Variants in IMMP2L observed in about 807,000 individuals in gnomAD.
IMMP2L encodes mitochondrial inner membrane protease subunit 2.
IMMP2L carries 18 observed loss-of-function variants against 19.3 expected under a neutral mutation model. The ratio of observed to expected loss-of-function variants is 0.93; its 90% confidence interval spans 0.64 to 1.38. The LOEUF is 1.38. Ranked by LOEUF, IMMP2L falls within the 40% of genes most tolerant of loss-of-function variation. The pLI is 0.00. For missense variants in IMMP2L, 233 were observed against 218.2 expected (o/e 1.07, Z -0.43); for synonymous variants, 76 against 73.0 (o/e 1.04, Z -0.21).
chr7:111,318,542 A>T (rs1188361876), intron 3 of IMMP2L, among the ~76,000 whole-genome samples: 1 of 152,138 alleles, frequency 6.6e-6, no homozygotes, highest in Non-Finnish European at 1.5e-5. Flanking sequence ...TCTGAACATG[A>T]CTAAACCCTA....
chr7:111,416,867 G>C (rs901327280), intron 3 of IMMP2L, among the ~76,000 whole-genome samples: 3 of 151,226 alleles, frequency 2.0e-5, no homozygotes, highest in Non-Finnish European at 2.9e-5. Context: ...GCAGAATATG[G>C]TATGATACAT....
intron 3 of IMMP2L, among the ~76,000 whole-genome samples, chr7:111,164,026 A>G (rs1380289335): frequency 6.7e-6 from 1 of 149,686 alleles, no homozygotes; most frequent in Admixed American, 6.7e-5. Context: ...CATAACATTT[A>G]GAGGATTAAA....
chr7:110,787,585 C>A (rs975626608), intron 5 of IMMP2L, among the ~76,000 whole-genome samples: 9 of 151,820 alleles, frequency 5.9e-5, no homozygotes, highest in Non-Finnish European at 1.2e-4. Flanking sequence ...CAAAGTGACA[C>A]CCTAATTAAA....
At chr7:110,823,076 G>A (rs1452816921) in intron 5 of IMMP2L, among the ~76,000 whole-genome samples, 1 of 151,990 alleles carries the variant, frequency 6.6e-6, no homozygotes, top group South Asian at 2.1e-4. Flanking sequence ...CATGACTGAT[G>A]GAGAAATAAG....
At chr7:111,095,822 T>C (rs1797340924) in intron 3 of IMMP2L, among the ~76,000 whole-genome samples, 1 of 151,968 alleles carries the variant, frequency 6.6e-6, no homozygotes, top group South Asian at 2.1e-4. Flanking sequence ...ACTCTCAGGA[T>C]CCATGCTTTG....
At chr7:110,979,367 T>C (rs1821016252) in intron 3 of IMMP2L, among the ~76,000 whole-genome samples, 1 of 152,150 alleles carries the variant, frequency 6.6e-6, no homozygotes, top group Non-Finnish European at 1.5e-5. Flanking sequence ...TATTTATCTT[T>C]TCTCATTGTT....
chr7:111,111,720 G>A (rs1799227010), intron 3 of IMMP2L, among the ~76,000 whole-genome samples: 1 of 151,778 alleles, frequency 6.6e-6, no homozygotes, highest in Admixed American at 6.6e-5. Flanking sequence ...ACCAAATTTT[G>A]CAAAGTCATC....
At chr7:110,691,323 A>G (rs1170957565) in intron 5 of IMMP2L, among the ~76,000 whole-genome samples, 1 of 152,180 alleles carries the variant, frequency 6.6e-6, no homozygotes, top group Admixed American at 6.6e-5. Flanking sequence ...TAAACTCAAG[A>G]TGGACTAAAG....
chr7:111,528,716 T>A (rs1847119528), intron 1 of IMMP2L, among the ~76,000 whole-genome samples: 1 of 152,178 alleles, frequency 6.6e-6, no homozygotes, highest in African/African-American at 2.4e-5. Context: ...GGTGGATAAA[T>A]CCACCACAAG....
chr7:111,009,957 A>G (rs2129563187), intron 3 of IMMP2L, among the ~76,000 whole-genome samples: 1 of 152,280 alleles, frequency 6.6e-6, no homozygotes, highest in African/African-American at 2.4e-5. Context: ...TACACAGGAA[A>G]TTAAGAAACA....
At chr7:111,366,878 C>A (rs1164799379) in intron 3 of IMMP2L, among the ~76,000 whole-genome samples, 1 of 151,856 alleles carries the variant, frequency 6.6e-6, no homozygotes, top group Non-Finnish European at 1.5e-5. Context: ...GGAGAGAGAT[C>A]ACATGATAAA....
chr7:111,289,879 C>G (rs1337940973), intron 3 of IMMP2L, among the ~76,000 whole-genome samples: 1 of 151,866 alleles, frequency 6.6e-6, no homozygotes, highest in African/African-American at 2.4e-5. Flanking sequence ...GATGTTGACA[C>G]AGCTCCAGGT....
chr7:111,142,198 T>C (rs1802973399), intron 3 of IMMP2L, among the ~76,000 whole-genome samples: 1 of 151,686 alleles, frequency 6.6e-6, no homozygotes, highest in Non-Finnish European at 1.5e-5. Flanking sequence ...TGGTGGCACA[T>C]GCCTGTAATC....
intron 5 of IMMP2L, among the ~76,000 whole-genome samples, chr7:110,849,130 A>T (rs1450167287): frequency 1.3e-5 from 2 of 152,158 alleles, no homozygotes; most frequent in Non-Finnish European, 1.5e-5. Context: ...ACTCTGGTAG[A>T]GGATGTAAAC....
At chr7:111,173,392 T>C (rs1004223915) in intron 3 of IMMP2L, among the ~76,000 whole-genome samples, 2 of 151,664 alleles carry the variant, frequency 1.3e-5, no homozygotes, top group African/African-American at 4.8e-5. Context: ...AATCACTGAA[T>C]CACTTGTGCA....
chr7:110,674,405 G>A (rs928556103), intron 5 of IMMP2L, among the ~76,000 whole-genome samples: 4 of 152,174 alleles, frequency 2.6e-5, no homozygotes, highest in Admixed American at 1.3e-4. Context: ...TAGAGCCAGG[G>A]TCAGAAGATG....
At chr7:111,128,235 G>C (rs1801505679) in intron 3 of IMMP2L, among the ~76,000 whole-genome samples, 1 of 151,920 alleles carries the variant, frequency 6.6e-6, no homozygotes, top group Admixed American at 6.6e-5. Context: ...GAAATAAATA[G>C]GACAAATTTT....
chr7:110,735,507 G>A (rs985582083), intron 5 of IMMP2L, among the ~76,000 whole-genome samples: 3 of 151,894 alleles, frequency 2.0e-5, no homozygotes, highest in African/African-American at 7.3e-5. Flanking sequence ...TCAAGACAAT[G>A]AATGAGGCTG....
rs561105240 is a variant in IMMP2L at position 111,116,649 on chromosome 7, G to A, written c.240-153084C>T. Among the ~76,000 whole-genome samples the A allele has an allele frequency of 5.3e-5, 8 of 152,228 alleles. No individual in the cohort carries two copies. The South Asian group carries it at 1.5e-3, about 28-fold the overall frequency. On this transcript the variant is annotated intron_variant, in intron 3 of 5. Transcript: ENST00000405709. ...TGTGAGAAACTAAGATTCAGAGAGC[G>A]ATGTGATTACTCTCACATAGCAAAA... is the stretch of plus-strand genomic sequence containing the variant.
Sources: allele counts gnomAD v4.1 joint callset (sites outside exome capture counted in the v4.1 genomes callset), GRCh38; gene constraint gnomAD v4.1.1; transcripts MANE v1.5; gene names NCBI Gene and HGNC (gene_info 2026-07-23, HGNC 2026-07-21).